TMEM87A: variants seen among roughly 807,000 people sequenced by gnomAD.
TMEM87A encodes Golgi-pH regulating cation channel.
Under a neutral mutation model 90.0 loss-of-function variants are expected in TMEM87A, and 50 were observed. The ratio of observed to expected loss-of-function variants is 0.56; its 90% CI spans 0.44 to 0.70. The LOEUF (loss-of-function observed/expected upper bound fraction) is 0.70. Among genes scored for constraint, TMEM87A ranks in the 30% least tolerant of loss-of-function variants. TMEM87A has a pLI of 0.00. For synonymous variants in TMEM87A, 226 were observed against 226.7 expected, an observed-to-expected ratio of 1.00 and a Z score of 0.03; for missense variants, 577 against 660.5, an observed-to-expected ratio of 0.87 and a Z score of 1.39.
chr15:42,250,169 T>C (rs985794149), intron 6 of TMEM87A, among the ~76,000 whole-genome samples: 2 of 152,350 alleles, frequency 1.3e-5, no homozygotes, highest in African/African-American at 4.8e-5. Context: ...TCTCTGCACA[T>C]GAGATGGGTA....
intron 10 of TMEM87A, among the ~76,000 whole-genome samples, chr15:42,234,777 C>G (rs1397929533): frequency 6.6e-6 from 1 of 152,158 alleles, no homozygotes; most frequent in Non-Finnish European, 1.5e-5. Flanking sequence ...CCAAAACTAT[C>G]ACTATGACCC....
At chr15:42,222,071 GT>G (rs543694319) in intron 15 of TMEM87A, among the ~76,000 whole-genome samples, 2,326 of 151,918 alleles carry the variant, frequency 0.015, 133 homozygotes, top group Admixed American at 0.11. Flanking sequence ...TTTTTTGGTT[GT>G]TTTTTTTGAG....
At chr15:42,246,487 G>A (rs4924639) in intron 6 of TMEM87A, among the ~76,000 whole-genome samples, 144,192 of 151,948 alleles carry the variant, frequency 0.95, 68,826 homozygotes, top group Non-Finnish European at 1. Context: ...GATGTTCCCC[G>A]CCCTGTGTCC....
Position 42,261,225 on chromosome 15 carries a change from G to A in TMEM87A, c.430C>T (p.Arg144Ter). ...TQTFSGDFMH[R>*]LPLLGEKQEA... ...TGTTTTTCTCCTAAAAGAGGCAGTC[G>A]ATGCATAAAATCTCCAGAAAAGGTC... is the stretch of plus-strand genomic sequence containing the variant. Residue 144 changes from arginine (R) to a stop codon, truncating the protein, a stop_gained, in exon 5 of 20, where the codon CGA becomes TGA. Transcript: ENST00000389834. LOFTEE classifies it high-confidence loss of function. The A allele has an allele frequency of 1.2e-6, 2 of 1,613,238 alleles. No individual in the cohort carries two copies. Among genetic ancestry groups the A allele is most frequent in the Non-Finnish European group, 1.7e-6 (2 of 1,179,712 alleles).
At chr15:42,265,004 C>T (rs1238336902) in intron 3 of TMEM87A, among the ~76,000 whole-genome samples, 1 of 152,092 alleles carries the variant, frequency 6.6e-6, no homozygotes, top group Non-Finnish European at 1.5e-5. Flanking sequence ...CCTCCAGCTC[C>T]TTCTGTGTTC....
At position 42,218,024 on chromosome 15, in the gene TMEM87A, C is replaced by G. The variant is rs548941813; in HGVS notation, c.1596-191G>C. On this transcript the variant is annotated intron_variant, in intron 18 of 19. Transcript: ENST00000389834. The stretch of plus-strand genomic sequence containing the variant: ...TTACAGAAATTGTATAGAAAAAAAA[C>G]GTATTTTGCAATGCAACAGGACCAA... 6.2e-6 allele frequency: 4 copies of G among 647,972 alleles called. No individual in the cohort carries two copies. In the African/African-American group the frequency reaches 7.6e-5, roughly 12 times the overall value. 40.1% of individuals were successfully genotyped at this position (647,972 alleles called of 1,614,324 possible).
rs1219265676 is a variant in TMEM87A, at chr15:42,228,745, G to C, written c.1207C>G (p.His403Asp). Residue 403 changes from histidine (H) to aspartate (D), a missense_variant, in exon 13 of 20, where the codon CAT (histidine) becomes GAT (aspartate). By Grantham distance (81) the His-to-Asp change is moderately conservative. Coordinates refer to ENST00000389834, the MANE Select transcript of TMEM87A (RefSeq NM_015497.5). ...RNIVKLSLYR[H>D]FTNTLILAVA... ...GCCAAAATAAGCGTGTTGGTGAAAT[G>C]CCGATACAAAGAGAGTTTTACAATG... is the stretch of plus-strand genomic sequence containing the variant. The C allele has an allele frequency of 6.2e-7, 1 of 1,611,032 alleles. No homozygotes were observed. The highest frequency in any genetic ancestry group is 8.5e-7 in the Non-Finnish European group (1 of 1,179,204).
chr15:42,226,577 T>C (rs894030954), intron 15 of TMEM87A: 2 of 448,054 alleles, frequency 4.5e-6, no homozygotes, highest in African/African-American at 3.9e-5. Context: ...TGGGTTTAAT[T>C]CCCCCTCAGT....
At chr15:42,221,091 A>G (rs2050472330) in intron 15 of TMEM87A, among the ~76,000 whole-genome samples, 1 of 152,194 alleles carries the variant, frequency 6.6e-6, no homozygotes, top group African/African-American at 2.4e-5. Flanking sequence ...ACGGCCTCCC[A>G]AAGTGCTGGG....
intron 19 of TMEM87A, among the ~76,000 whole-genome samples, chr15:42,213,450 CT>C (rs1367066959): frequency 1.3e-5 from 2 of 152,174 alleles, no homozygotes; most frequent in Non-Finnish European, 1.5e-5. Context: ...AATGTTCCAA[CT>C]TTGTAAGAGG....
At chr15:42,239,860 G>T in intron 7 of TMEM87A, 129 bp from the exon 8 acceptor site, 1 of 776,174 alleles carries the variant, frequency 1.3e-6, no homozygotes, top group Admixed American at 1.9e-5. Flanking sequence ...CTTCAATCCT[G>T]GTCAATATTA....
At position 42,272,106 on chromosome 15, in the gene TMEM87A, A is replaced by C; in HGVS notation, c.162T>G (p.Ser54Arg). The C allele has an allele frequency of 1.2e-6, 2 of 1,607,542 alleles. No homozygotes were observed. Among genetic ancestry groups the C allele is most frequent in the Non-Finnish European group, 1.7e-6 (2 of 1,177,600 alleles). The change falls in exon 2 of 20, where the codon AGT becomes AGG. Residue 54 changes from serine to arginine, a missense_variant. Coordinates refer to ENST00000389834, the MANE Select transcript of TMEM87A (RefSeq NM_015497.5). ...TATTTCTGAAGAGGATCTTTCCAAA[A>C]CTAAAATAATTTTTCCCCTGCAAAC... ...IPIPSGKNYF[S>R]FGKILFRNTT...
intron 19 of TMEM87A, among the ~76,000 whole-genome samples, chr15:42,214,508 C>A (rs182558150): frequency 6.6e-6 from 1 of 152,150 alleles, no homozygotes; most frequent in African/African-American, 2.4e-5. Context: ...AAATAGAAAG[C>A]CCAGAAATAA....
At chr15:42,248,100 C>A (rs2051012869) in intron 6 of TMEM87A, among the ~76,000 whole-genome samples, 1 of 152,156 alleles carries the variant, frequency 6.6e-6, no homozygotes, top group East Asian at 1.9e-4. Flanking sequence ...TATTGGCGTA[C>A]AGGAATGCTT....
At chr15:42,258,692 G>C in intron 6 of TMEM87A, 1 of 1,199,400 alleles carries the variant, frequency 8.3e-7, no homozygotes, top group Non-Finnish European at 1.0e-6. Flanking sequence ...CTCCCAAAGT[G>C]TTGGCATTAC....
intron 7 of TMEM87A, among the ~76,000 whole-genome samples, chr15:42,242,918 C>T (rs1055673752): frequency 1.1e-4 from 17 of 152,076 alleles, no homozygotes; most frequent in African/African-American, 3.6e-4. Flanking sequence ...AAGTCAGGAG[C>T]GAAGTAACGG....
intron 12 of TMEM87A, among the ~76,000 whole-genome samples, chr15:42,229,303 C>T (rs1186873716): frequency 6.6e-6 from 1 of 151,436 alleles, no homozygotes; most frequent in African/African-American, 2.4e-5. Flanking sequence ...CATACCTGGC[C>T]GGAAGTCATC....
chr15:42,218,208 TTAATTA>T, intron 18 of TMEM87A, 109 bp downstream of exon 18: 2 of 1,030,370 alleles, frequency 1.9e-6, no homozygotes, highest in South Asian at 3.2e-5. Context: ...TCCTATTCTT[TTAATTA>T]TTTTTCAGTA....
At chr15:42,212,639 A>G (rs1243611763) in intron 19 of TMEM87A, among the ~76,000 whole-genome samples, 2 of 152,186 alleles carry the variant, frequency 1.3e-5, no homozygotes, top group African/African-American at 4.8e-5. Flanking sequence ...TACTTTCTTC[A>G]GAAACTGCAT....
Sources: allele counts gnomAD v4.1 joint callset (sites outside exome capture counted in the v4.1 genomes callset), GRCh38; gene constraint gnomAD v4.1.1; transcripts MANE v1.5; gene names NCBI Gene and HGNC (gene_info 2026-07-23, HGNC 2026-07-21).